The following GRIA4 variants were observed in gnomAD, a reference collection of about 807,000 sequenced individuals.
GRIA4 encodes the protein glutamate ionotropic receptor AMPA type subunit 4, also known as glutamate receptor 4.
In GRIA4, 34 loss-of-function variants were observed where a neutral mutation model predicts 104.0. The ratio of observed to expected loss-of-function variants is 0.33; its 90% CI spans 0.25 to 0.44. The LOEUF (loss-of-function observed/expected upper bound fraction) is 0.44, where lower values mean the gene tolerates loss of function less well. Among genes scored for constraint, GRIA4 ranks in the 20% least tolerant of loss-of-function variants. GRIA4 has a pLI of 1.00. For missense variants in GRIA4, 750 were observed against 1,096.5 expected (o/e 0.68, Z 4.46); for synonymous variants, 386 against 381.9 (o/e 1.01, Z -0.13).
chr11:105,706,061 G>C (rs1953687528), intron 3 of GRIA4, among the ~76,000 whole-genome samples: 1 of 152,146 alleles, frequency 6.6e-6, no homozygotes, highest in African/African-American at 2.4e-5. Flanking sequence ...TAAGAAACTA[G>C]AACAGAATGA....
intron 3 of GRIA4, among the ~76,000 whole-genome samples, chr11:105,650,032 T>A (rs996855911): frequency 3.3e-5 from 5 of 152,194 alleles, no homozygotes; most frequent in Admixed American, 2.6e-4. Flanking sequence ...AACCAACATG[T>A]GTATAATATA....
intron 5 of GRIA4, among the ~76,000 whole-genome samples, chr11:105,870,688 T>C (rs1410359352): frequency 6.6e-6 from 1 of 151,780 alleles, no homozygotes; most frequent in African/African-American, 2.4e-5. Context: ...GGGAAAGAAG[T>C]GAATGTGGAT....
intron 3 of GRIA4, among the ~76,000 whole-genome samples, chr11:105,715,556 C>T (rs937449771): frequency 2.0e-5 from 3 of 152,048 alleles, no homozygotes; most frequent in Non-Finnish European, 4.4e-5. Context: ...TTAAGAAAGG[C>T]TACAGAAAAT....
chr11:105,914,330 A>G (rs1233670622), intron 10 of GRIA4, among the ~76,000 whole-genome samples: 3 of 152,022 alleles, frequency 2.0e-5, no homozygotes, highest in African/African-American at 7.2e-5. Context: ...AGAAAACCAA[A>G]TATCCACATA....
intron 3 of GRIA4, among the ~76,000 whole-genome samples, chr11:105,691,935 C>CAAAAAAAA (rs202074069): frequency 2.6e-4 from 20 of 76,250 alleles, no homozygotes; most frequent in Admixed American, 4.9e-4. Flanking sequence ...AACTCCGTCT[C>CAAAAAAAA]AAAAAAAAAA....
chr11:105,966,173 C>A, intron 14 of GRIA4: 2 of 710,628 alleles, frequency 2.8e-6, no homozygotes, highest in South Asian at 3.6e-5. Flanking sequence ...CTAGTCCAGT[C>A]CCTTCGCAAA....
chr11:105,848,572 C>A (rs1944680440), intron 4 of GRIA4, among the ~76,000 whole-genome samples: 1 of 152,140 alleles, frequency 6.6e-6, no homozygotes. Flanking sequence ...AATACCTATG[C>A]ATTTCTTCTA....
At position 105,669,207 on chromosome 11, in the gene GRIA4, G is replaced by A. The variant is rs79380528; in HGVS notation, c.247+56773G>A. Among the ~76,000 whole-genome samples the A allele has an allele frequency of 7.9e-3, 1,194 of 151,778 alleles. 16 individuals are homozygous for A. The highest frequency in any genetic ancestry group is 0.046 in the East Asian group (237 of 5,146). On this transcript the variant is annotated intron_variant, in intron 3 of 16. Coordinates refer to ENST00000282499, the MANE Select transcript of GRIA4 (RefSeq NM_000829.4). ...TACAACTTCTGTCCTAATTTAGACCGCAATTTTTTTCCTGGACAATTACAA... is the reference window on the plus strand; with the variant it reads ...TACAACTTCTGTCCTAATTTAGACCACAATTTTTTTCCTGGACAATTACAA...
chr11:105,898,735 G>A (rs534409743), intron 7 of GRIA4, among the ~76,000 whole-genome samples: 7 of 152,076 alleles, frequency 4.6e-5, no homozygotes, highest in Admixed American at 2.6e-4. Flanking sequence ...AAGAGCATCC[G>A]TAACTTTTCT....
chr11:105,979,165 T>G (rs1424363378), intron 16 of GRIA4, among the ~76,000 whole-genome samples: 1 of 152,192 alleles, frequency 6.6e-6, no homozygotes, highest in Non-Finnish European at 1.5e-5. Flanking sequence ...CTTCATTAGT[T>G]CTGGTAGTTT....
intron 4 of GRIA4, among the ~76,000 whole-genome samples, chr11:105,770,974 G>A (rs1028198803): frequency 4.0e-5 from 6 of 151,898 alleles, no homozygotes; most frequent in African/African-American, 7.2e-5. Context: ...TTTCATAGTC[G>A]AAGATGTTTT....
At chr11:105,655,511 C>G (rs1021994507) in intron 3 of GRIA4, among the ~76,000 whole-genome samples, 1 of 152,016 alleles carries the variant, frequency 6.6e-6, no homozygotes, top group Non-Finnish European at 1.5e-5. Context: ...TCAACAGGCC[C>G]GGGTGTGTGA....
chr11:105,976,849 T>C (rs1488105003), intron 16 of GRIA4, among the ~76,000 whole-genome samples: 1 of 151,960 alleles, frequency 6.6e-6, no homozygotes, highest in African/African-American at 2.4e-5. Context: ...TCAAGATGAA[T>C]AGAAATGGCA....
At chr11:105,928,927 T>G (rs1947795020) in intron 13 of GRIA4, among the ~76,000 whole-genome samples, 1 of 152,086 alleles carries the variant, frequency 6.6e-6, no homozygotes, top group African/African-American at 2.4e-5. Flanking sequence ...ATTTATAGTC[T>G]TCCATACAAA....
At chr11:105,962,926 G>A (rs1948777437) in intron 14 of GRIA4, among the ~76,000 whole-genome samples, 1 of 152,064 alleles carries the variant, frequency 6.6e-6, no homozygotes, top group Non-Finnish European at 1.5e-5. Context: ...ACACTTATCT[G>A]CTTGGCAGAT....
chr11:105,768,767 T>C (rs1027274314), intron 4 of GRIA4, among the ~76,000 whole-genome samples: 1 of 152,022 alleles, frequency 6.6e-6, no homozygotes, highest in Non-Finnish European at 1.5e-5. Context: ...ATGTGTACCA[T>C]GCTGGGAAAA....
intron 3 of GRIA4, among the ~76,000 whole-genome samples, chr11:105,652,935 T>G (rs1951724546): frequency 6.7e-6 from 1 of 148,844 alleles, no homozygotes; most frequent in Non-Finnish European, 1.5e-5. Context: ...TGACACAGAG[T>G]CTGGCTCTGT....
chr11:105,898,524 T>C (rs1946743007), intron 7 of GRIA4, 97 bp downstream of exon 7: 1 of 738,120 alleles, frequency 1.4e-6, no homozygotes, highest in Non-Finnish European at 2.3e-6. Flanking sequence ...TTGCCAAACA[T>C]AGTATGGCAT....
At chr11:105,894,392 A>T (rs1218228141) in intron 6 of GRIA4, among the ~76,000 whole-genome samples, 2 of 152,114 alleles carry the variant, frequency 1.3e-5, no homozygotes, top group Non-Finnish European at 2.9e-5. Flanking sequence ...ATTTAGGATA[A>T]GGCCAATAAT....
Sources: allele counts gnomAD v4.1 joint callset (sites outside exome capture counted in the v4.1 genomes callset), GRCh38; gene constraint gnomAD v4.1.1; transcripts MANE v1.5; gene names NCBI Gene and HGNC (gene_info 2026-07-23, HGNC 2026-07-21).